Variants in ZFAND3 observed in about 807,000 individuals in gnomAD.
The protein encoded by ZFAND3 is zinc finger AN1-type containing 3, also known as AN1-type zinc finger protein 3.
ZFAND3 carries 10 observed loss-of-function variants against 29.6 expected under a neutral mutation model. That is an observed-to-expected ratio of 0.34 (90% CI 0.21 to 0.57). The LOEUF is 0.57. Among genes scored for constraint, ZFAND3 ranks in the 20% least tolerant of loss-of-function variants. The pLI, the probability that ZFAND3 is intolerant of heterozygous loss-of-function variation, is 0.86. For missense variants in ZFAND3, 230 were observed against 304.5 expected, an observed-to-expected ratio of 0.76 and a Z score of 1.82; for synonymous variants, 128 against 112.6, an observed-to-expected ratio of 1.14 and a Z score of -0.87.
At chr6:38,032,299 C>A (rs1365977370) in intron 2 of ZFAND3, among the ~76,000 whole-genome samples, 1 of 152,066 alleles carries the variant, frequency 6.6e-6, no homozygotes, top group Non-Finnish European at 1.5e-5. Flanking sequence ...TAATCCTAGG[C>A]TAAAAGGACG....
intron 2 of ZFAND3, among the ~76,000 whole-genome samples, chr6:38,004,657 G>C (rs1229674841): frequency 1.3e-5 from 2 of 152,024 alleles, no homozygotes; most frequent in Non-Finnish European, 2.9e-5. Flanking sequence ...TTCAATAATA[G>C]AATATGCAGA....
intron 1 of ZFAND3, among the ~76,000 whole-genome samples, chr6:37,839,481 C>T (rs1396681373): frequency 2.7e-5 from 4 of 149,612 alleles, no homozygotes; most frequent in Admixed American, 6.7e-5. Context: ...CGTGCCCGGC[C>T]AGTTATTTTT....
At chr6:38,084,408 G>A (rs1231925408) in intron 4 of ZFAND3, among the ~76,000 whole-genome samples, 7 of 152,122 alleles carry the variant, frequency 4.6e-5, no homozygotes, top group Admixed American at 4.6e-4. Flanking sequence ...CAGGTTTGGT[G>A]TAAGAAAAAA....
chr6:38,150,718 A>C (rs1378306812), intron 5 of ZFAND3, among the ~76,000 whole-genome samples: 1 of 152,200 alleles, frequency 6.6e-6, no homozygotes, highest in Non-Finnish European at 1.5e-5. Flanking sequence ...GGGATGAGTC[A>C]GTTTGCAAGG....
chr6:38,144,192 T>TTATATATATATATATA lies in ZFAND3; in HGVS notation c.530-8043_530-8042insTATATATATATATATA, dbSNP rs1562015751. ...ATGTGATATATATATATAATATATA[T>TTATATATATATATATA]ATATATATATATATATATAATATAT... On this transcript the variant is annotated intron_variant, in intron 5 of 5. Coordinates refer to ENST00000287218, the MANE Select transcript of ZFAND3 (RefSeq NM_021943.3). 1.6e-3 allele frequency among the ~76,000 whole-genome samples: 64 copies of TTATATATATATATATA among 40,732 alleles called. 1 individual carries two copies. The highest frequency in any genetic ancestry group is 8.1e-3 in the African/African-American group (58 of 7,198). 26.7% of individuals were successfully genotyped at this position (40,732 alleles called of 152,430 possible). A position where few individuals can be genotyped will look rare whatever the true frequency, so the allele number is the denominator to read the frequency against.
At chr6:38,008,947 A>C (rs1763098553) in intron 2 of ZFAND3, among the ~76,000 whole-genome samples, 2 of 152,158 alleles carry the variant, frequency 1.3e-5, no homozygotes, top group Non-Finnish European at 2.9e-5. Context: ...GGGTTTAATT[A>C]ATCCTTTGGT....
At chr6:37,980,933 G>A (rs2127432227) in intron 2 of ZFAND3, among the ~76,000 whole-genome samples, 2 of 152,302 alleles carry the variant, frequency 1.3e-5, no homozygotes, top group Middle Eastern at 3.4e-3. Context: ...TGGTGAAGTA[G>A]ATTCCTGCTG....
At chr6:38,094,976 GGATTTCA>G (rs1229523380) in intron 4 of ZFAND3, among the ~76,000 whole-genome samples, 2 of 152,014 alleles carry the variant, frequency 1.3e-5, no homozygotes, top group Non-Finnish European at 2.9e-5. Flanking sequence ...GTAGCATTTT[GGATTTCA>G]GATTTGAGGA....
intron 2 of ZFAND3, among the ~76,000 whole-genome samples, chr6:38,020,612 C>A (rs560326612): frequency 6.6e-6 from 1 of 152,304 alleles, no homozygotes; most frequent in Admixed American, 6.5e-5. Context: ...AAAATTCTTC[C>A]TCCTTAAAGG....
At chr6:37,843,486 C>CAA (rs759748886) in intron 1 of ZFAND3, among the ~76,000 whole-genome samples, 1 of 113,942 alleles carries the variant, frequency 8.8e-6, no homozygotes, top group Non-Finnish European at 1.9e-5. Flanking sequence ...GACTCCGTCT[C>CAA]AAAAAAAAAA....
intron 2 of ZFAND3, among the ~76,000 whole-genome samples, chr6:37,979,946 T>C (rs1236252224): frequency 6.6e-6 from 1 of 152,240 alleles, no homozygotes; most frequent in East Asian, 1.9e-4. Context: ...TTATTTAGTT[T>C]CTTAAAATTC....
chr6:37,921,895 A>AAT lies in ZFAND3; in HGVS notation c.72-8063_72-8062insTA, dbSNP rs1554158679. ...ACCCCATCTCTGCAAAAAAAAAAAA[A>AAT]AAACAAACCCACACAAAAATTAGCT... On this transcript the variant is annotated intron_variant, in intron 1 of 5. Coordinates refer to ENST00000287218, the MANE Select transcript of ZFAND3 (RefSeq NM_021943.3). 1.3e-3 allele frequency among the ~76,000 whole-genome samples: 197 copies of AAT among 151,068 alleles called. 1 individual carries two copies. The highest frequency in any genetic ancestry group is 4.6e-3 in the African/African-American group (191 of 41,150).
At chr6:37,920,962 G>A (rs1761365531) in intron 1 of ZFAND3, among the ~76,000 whole-genome samples, 1 of 152,200 alleles carries the variant, frequency 6.6e-6, no homozygotes, top group African/African-American at 2.4e-5. Flanking sequence ...ATGTGTATGA[G>A]GCGGGAAGCA....
intron 4 of ZFAND3, among the ~76,000 whole-genome samples, chr6:38,090,223 T>C (rs1764837919): frequency 6.6e-6 from 1 of 152,218 alleles, no homozygotes; most frequent in Non-Finnish European, 1.5e-5. Flanking sequence ...GTCCTTCAGG[T>C]ATAGCTCTTC....
At chr6:37,969,570 A>T (rs1164280643) in intron 2 of ZFAND3, among the ~76,000 whole-genome samples, 2 of 152,210 alleles carry the variant, frequency 1.3e-5, no homozygotes, top group Non-Finnish European at 2.9e-5. Flanking sequence ...GAGTACTCAA[A>T]GTATGGTTTC....
At chr6:37,881,066 T>C (rs895015354) in intron 1 of ZFAND3, among the ~76,000 whole-genome samples, 11 of 151,988 alleles carry the variant, frequency 7.2e-5, no homozygotes, top group Non-Finnish European at 1.3e-4. Context: ...TTTATTTTTA[T>C]TTATTTATGT....
At chr6:37,957,179 C>T (rs1044599472) in intron 2 of ZFAND3, among the ~76,000 whole-genome samples, 4 of 152,210 alleles carry the variant, frequency 2.6e-5, no homozygotes, top group African/African-American at 9.6e-5. Flanking sequence ...AGTTCCCCCC[C>T]TTTCTTCCTC....
At chr6:37,940,828 G>T (rs1581779135) in intron 2 of ZFAND3, among the ~76,000 whole-genome samples, 2 of 152,204 alleles carry the variant, frequency 1.3e-5, no homozygotes, top group East Asian at 3.9e-4. Context: ...CCGGCTTGAA[G>T]AAAAAGAAAA....
chr6:37,981,912 A>C (rs1762587267), intron 2 of ZFAND3, among the ~76,000 whole-genome samples: 1 of 152,160 alleles, frequency 6.6e-6, no homozygotes, highest in Non-Finnish European at 1.5e-5. Flanking sequence ...AGTACATGTA[A>C]GATTTACAGT....
Sources: allele counts gnomAD v4.1 joint callset (sites outside exome capture counted in the v4.1 genomes callset), GRCh38; gene constraint gnomAD v4.1.1; transcripts MANE v1.5; gene names NCBI Gene and HGNC (gene_info 2026-07-23, HGNC 2026-07-21).